DAAM2: variants seen among roughly 807,000 people sequenced by gnomAD.
DAAM2 encodes dishevelled associated activator of morphogenesis 2, also known as disheveled-associated activator of morphogenesis 2.
In DAAM2, 39 loss-of-function variants were observed where a neutral mutation model predicts 120.7. The observed-to-expected ratio is 0.32, with a 90% CI of 0.25 to 0.42. The LOEUF is 0.42. Among genes scored for constraint, DAAM2 ranks in the 10% least tolerant of loss-of-function variants. DAAM2 has a pLI of 1.00. For synonymous variants in DAAM2, 488 were observed against 524.9 expected, an observed-to-expected ratio of 0.93 and a Z score of 0.96; for missense variants, 1,283 against 1,401.7, an observed-to-expected ratio of 0.92 and a Z score of 1.35.
intron 1 of DAAM2, among the ~76,000 whole-genome samples, chr6:39,853,215 T>C (rs1763878301): frequency 6.6e-6 from 1 of 152,142 alleles, no homozygotes; most frequent in Admixed American, 6.5e-5. Context: ...TGACCTGATT[T>C]CTAAGGCATC....
Position 39,862,372 on chromosome 6 carries a change from T to C in DAAM2, c.258+1355T>C, listed in dbSNP as rs979793321. 3 of 152,100 alleles carry C rather than the reference T, an allele frequency of 2.0e-5. No homozygotes were observed. In the East Asian group the frequency reaches 5.8e-4, roughly 29 times the overall value. The allele number at this position is 152,100 out of a possible 1,614,324, so 9.4% of individuals were successfully genotyped here. A position where few individuals can be genotyped will look rare whatever the true frequency, so the allele number is the denominator to read the frequency against. On this transcript the variant is annotated intron_variant, in intron 3 of 24. Transcript: ENST00000274867. ...AAAGCAGGTCTTTAAAAAGCTCAAA[T>C]CATGGAAAGAAGGAAGGAAGGAAAG...
At chr6:39,874,747 T>C (rs780822167) in intron 10 of DAAM2, among the ~76,000 whole-genome samples, 32 of 152,200 alleles carry the variant, frequency 2.1e-4, no homozygotes, top group Non-Finnish European at 4.7e-4. Flanking sequence ...AGTGAGACTC[T>C]ATGAGATCAC....
intron 1 of DAAM2, among the ~76,000 whole-genome samples, chr6:39,795,372 G>A (rs919888718): frequency 6.6e-6 from 1 of 152,172 alleles, no homozygotes; most frequent in Non-Finnish European, 1.5e-5. Context: ...GAGGCAGCCC[G>A]ACAACAATGG....
intron 19 of DAAM2, among the ~76,000 whole-genome samples, chr6:39,896,390 G>T (rs1766092050): frequency 6.6e-6 from 1 of 152,010 alleles, no homozygotes. Flanking sequence ...TTTTAGTAGA[G>T]ACAGGGTTTC....
intron 3 of DAAM2, among the ~76,000 whole-genome samples, chr6:39,863,489 G>C (rs760916374): frequency 1.3e-5 from 2 of 152,076 alleles, no homozygotes; most frequent in Non-Finnish European, 2.9e-5. Flanking sequence ...CCCGCTGGCA[G>C]CTGGCAGAGA....
chr6:39,869,773 TTTTTTTTA>T (rs1367277492), intron 7 of DAAM2, among the ~76,000 whole-genome samples: 7 of 142,808 alleles, frequency 4.9e-5, no homozygotes, highest in African/African-American at 1.4e-4. Context: ...TTTTTTTTTT[TTTTTTTTA>T]AAAACAATTT....
intron 1 of DAAM2, among the ~76,000 whole-genome samples, chr6:39,796,862 G>A (rs537080997): frequency 1.3e-5 from 2 of 151,926 alleles, no homozygotes; most frequent in Non-Finnish European, 2.9e-5. Context: ...CATTCCCCAG[G>A]GTTGTTCTGA....
At chr6:39,815,721 A>G (rs1422843695) in intron 1 of DAAM2, among the ~76,000 whole-genome samples, 1 of 151,928 alleles carries the variant, frequency 6.6e-6, no homozygotes, top group Non-Finnish European at 1.5e-5. Flanking sequence ...GGTGAACTTT[A>G]TGGAGGTCTG....
chr6:39,881,767 A>G (rs1017637258), intron 14 of DAAM2: 5 of 152,208 alleles, frequency 3.3e-5, no homozygotes, highest in Admixed American at 2.0e-4. Context: ...CCTACATACA[A>G]AGTACTTGGA....
At chr6:39,899,981 C>G in intron 22 of DAAM2, 96 bp from the exon 23 acceptor site, 2 of 1,380,480 alleles carry the variant, frequency 1.4e-6, no homozygotes, top group Non-Finnish European at 2.0e-6. Context: ...CCAAAGGGCT[C>G]AATGTCCTGT....
At chr6:39,850,494 A>C (rs184845922) in intron 1 of DAAM2, among the ~76,000 whole-genome samples, 241 of 152,210 alleles carry the variant, frequency 1.6e-3, no homozygotes, top group African/African-American at 5.3e-3. Flanking sequence ...AAGGGATCAC[A>C]CCTTGTTTAC....
intron 1 of DAAM2, among the ~76,000 whole-genome samples, chr6:39,844,793 T>A (rs1402961497): frequency 1.3e-5 from 2 of 151,952 alleles, no homozygotes; most frequent in African/African-American, 4.8e-5. Context: ...CTTTGGGGAG[T>A]TGCCTGGGAG....
intron 17 of DAAM2, among the ~76,000 whole-genome samples, chr6:39,889,627 G>T (rs1401605951): frequency 3.9e-5 from 6 of 152,124 alleles, no homozygotes; most frequent in Non-Finnish European, 5.9e-5. Context: ...TAATGTGGGG[G>T]CTGGAGGCAT....
At chr6:39,852,682 G>A (rs1474196522) in intron 1 of DAAM2, among the ~76,000 whole-genome samples, 1 of 152,234 alleles carries the variant, frequency 6.6e-6, no homozygotes, top group Non-Finnish European at 1.5e-5. Flanking sequence ...CAGCGAGGAA[G>A]ACCCTGTGAT....
chr6:39,897,535 T>C (rs1250670055), intron 21 of DAAM2: 4 of 305,200 alleles, frequency 1.3e-5, no homozygotes, highest in African/African-American at 6.6e-5. Flanking sequence ...GGATTCAGGG[T>C]GGGCTGCTTG....
chr6:39,825,575 C>T (rs1762643944), intron 1 of DAAM2, among the ~76,000 whole-genome samples: 1 of 152,010 alleles, frequency 6.6e-6, no homozygotes, highest in South Asian at 2.1e-4. Context: ...CACAGAATCA[C>T]CCTGTCACCT....
chr6:39,831,253 T>C (rs997807428), intron 1 of DAAM2, among the ~76,000 whole-genome samples: 6 of 152,044 alleles, frequency 3.9e-5, no homozygotes, highest in African/African-American at 1.2e-4. Flanking sequence ...TGTCAGGTGG[T>C]GGTAAGTCTA....
At chr6:39,881,793 T>C (rs1249180854) in intron 14 of DAAM2, 1 of 152,102 alleles carries the variant, frequency 6.6e-6, no homozygotes, top group African/African-American at 2.4e-5. Context: ...GACTGACACA[T>C]AGAAAGTCTT....
chr6:39,865,332 T>C (rs965744902), intron 5 of DAAM2, among the ~76,000 whole-genome samples: 3 of 152,236 alleles, frequency 2.0e-5, no homozygotes, highest in Non-Finnish European at 4.4e-5. Context: ...GCAAGTGCTT[T>C]TTAAAAATTT....
Sources: allele counts gnomAD v4.1 joint callset (sites outside exome capture counted in the v4.1 genomes callset), GRCh38; gene constraint gnomAD v4.1.1; transcripts MANE v1.5; gene names NCBI Gene and HGNC (gene_info 2026-07-23, HGNC 2026-07-21).